The following IL1RAPL2 variants were observed in gnomAD, a reference collection of about 807,000 sequenced individuals.
IL1RAPL2 encodes the protein interleukin 1 receptor accessory protein like 2.
In IL1RAPL2, 3 loss-of-function variants were observed where a neutral mutation model predicts 44.1. The observed-to-expected ratio is 0.07, with a 90% CI of 0.03 to 0.18. The LOEUF (loss-of-function observed/expected upper bound fraction) is 0.18, where lower values mean the gene tolerates loss of function less well. Among genes scored for constraint, IL1RAPL2 ranks in the 10% least tolerant of loss-of-function variants. IL1RAPL2 has a pLI of 1.00. For missense variants in IL1RAPL2, 391 were observed against 496.4 expected (o/e 0.79, Z 2.02); for synonymous variants, 181 against 178.8 (o/e 1.01, Z -0.10).
intron 2 of IL1RAPL2, among the ~76,000 whole-genome samples, chrX:104,897,115 C>T (rs1347272491): frequency 5.4e-5 from 6 of 111,927 alleles, no homozygotes; most frequent in Non-Finnish European, 7.5e-5. Flanking sequence ...CTGGAAGGAA[C>T]GAATTCTGGA....
intron 5 of IL1RAPL2, 117 bp downstream of exon 5, chrX:105,267,658 C>A: frequency 1.9e-6 from 1 of 528,744 alleles, no homozygotes; most frequent in Non-Finnish European, 3.1e-6. Flanking sequence ...GCCTGCAAAT[C>A]AAATAGTTGA....
chrX:104,574,381 A>C (rs1928205651), intron 1 of IL1RAPL2, among the ~76,000 whole-genome samples: 2 of 112,108 alleles, frequency 1.8e-5, no homozygotes, highest in Admixed American at 1.9e-4. Flanking sequence ...AATAGTTTTC[A>C]CATATCAGAT....
chrX:104,676,440 T>C (rs1201455190), intron 2 of IL1RAPL2, among the ~76,000 whole-genome samples: 3 of 112,056 alleles, frequency 2.7e-5, no homozygotes, highest in Non-Finnish European at 5.6e-5. Flanking sequence ...CACTCTCTTC[T>C]GGCTTATAGA....
At chrX:105,038,939 T>C (rs59732954) in intron 2 of IL1RAPL2, among the ~76,000 whole-genome samples, 2,599 of 111,771 alleles carry the variant, frequency 0.023, 64 homozygotes, top group African/African-American at 0.081. Flanking sequence ...TAAAGTAGTA[T>C]ATTAGAGAGG....
intron 2 of IL1RAPL2, among the ~76,000 whole-genome samples, chrX:105,160,290 T>A (rs771857074): frequency 9.0e-6 from 1 of 110,937 alleles, no homozygotes; most frequent in Non-Finnish European, 1.9e-5. Context: ...AAGGACTCAT[T>A]GATCCCTGCA....
intron 6 of IL1RAPL2, among the ~76,000 whole-genome samples, chrX:105,553,126 C>T (rs2036870587): frequency 8.9e-6 from 1 of 112,064 alleles, no homozygotes; most frequent in African/African-American, 3.2e-5. Context: ...TGAAAAGGAA[C>T]TCTCACTCAA....
At chrX:105,673,232 G>T (rs1012603100) in intron 6 of IL1RAPL2, among the ~76,000 whole-genome samples, 1 of 110,952 alleles carries the variant, frequency 9.0e-6, no homozygotes, top group African/African-American at 3.3e-5. Context: ...GTAAACGTGT[G>T]CCATGATGGT....
chrX:105,242,205 T>C (rs1310871097), intron 4 of IL1RAPL2, among the ~76,000 whole-genome samples: 2 of 112,028 alleles, frequency 1.8e-5, no homozygotes, highest in African/African-American at 6.5e-5. Flanking sequence ...GTTTATGACA[T>C]CAAAGCATTT....
At chrX:105,763,575 C>T (rs1337521378) in intron 10 of IL1RAPL2, among the ~76,000 whole-genome samples, 1 of 104,381 alleles carries the variant, frequency 9.6e-6, no homozygotes, top group African/African-American at 3.5e-5. Flanking sequence ...AAAGAAAGAG[C>T]GAGAAAGAAA....
At chrX:105,263,567 G>A (rs2034377516) in intron 4 of IL1RAPL2, among the ~76,000 whole-genome samples, 1 of 111,571 alleles carries the variant, frequency 9.0e-6, no homozygotes, top group Non-Finnish European at 1.9e-5. Context: ...AATGTAGCTG[G>A]CAACAGGTTA....
intron 2 of IL1RAPL2, among the ~76,000 whole-genome samples, chrX:105,103,655 A>G (rs140667967): frequency 1.9e-3 from 208 of 111,919 alleles, no homozygotes; most frequent in African/African-American, 6.3e-3. Flanking sequence ...ATAAATATGT[A>G]AAATTGGCCA....
At chrX:105,665,997 C>T (rs868552976) in intron 6 of IL1RAPL2, among the ~76,000 whole-genome samples, 29 of 108,666 alleles carry the variant, frequency 2.7e-4, no homozygotes, top group African/African-American at 8.0e-4. Flanking sequence ...CTCCTGACCT[C>T]GTGATCCGCC....
At position 104,722,563 on chromosome X, in the gene IL1RAPL2, C is replaced by T. The variant is rs375368717; in HGVS notation, c.82+63568C>T. Among the ~76,000 whole-genome samples, 3 of 111,783 alleles carry T rather than the reference C, an allele frequency of 2.7e-5. No homozygotes were observed. In the East Asian group the frequency reaches 8.5e-4, roughly 32 times the overall value. ...CTTTATTTTGTGTTAGCTGTTTCCT[C>T]ACTTAAGGTGATAACTCTGTCCATG... On this transcript the variant is annotated intron_variant, in intron 2 of 10. Transcript: ENST00000372582.
chrX:104,585,947 TG>T (rs1183718410), intron 1 of IL1RAPL2, among the ~76,000 whole-genome samples: 1 of 111,295 alleles, frequency 9.0e-6, no homozygotes. Flanking sequence ...TATATTCCTT[TG>T]AGTGTGTACG....
intron 5 of IL1RAPL2, among the ~76,000 whole-genome samples, chrX:105,283,405 C>T (rs770687784): frequency 3.6e-5 from 4 of 110,860 alleles, no homozygotes; most frequent in Non-Finnish European, 5.7e-5. Context: ...AGATGAAGAG[C>T]GGGTGAAAAA....
intron 2 of IL1RAPL2, among the ~76,000 whole-genome samples, chrX:105,183,834 G>A (rs782243021): frequency 4.5e-5 from 5 of 111,492 alleles, no homozygotes; most frequent in African/African-American, 1.3e-4. Context: ...CAGGGGTTTG[G>A]AGATGCAGGG....
chrX:105,134,425 G>A (rs907783405), intron 2 of IL1RAPL2, among the ~76,000 whole-genome samples: 2 of 111,983 alleles, frequency 1.8e-5, no homozygotes, highest in Non-Finnish European at 3.8e-5. Context: ...TGCCAATTAT[G>A]AGTTGAGCAC....
chrX:105,091,363 T>A (rs2032541214), intron 2 of IL1RAPL2, among the ~76,000 whole-genome samples: 1 of 112,098 alleles, frequency 8.9e-6, no homozygotes, highest in South Asian at 3.7e-4. Context: ...ACTAACTCAC[T>A]AGAAATAATC....
intron 2 of IL1RAPL2, among the ~76,000 whole-genome samples, chrX:104,908,098 CTGT>C (rs1231115663): frequency 1.8e-4 from 20 of 110,329 alleles, no homozygotes; most frequent in African/African-American, 5.9e-4. Context: ...GGTTTAAAGT[CTGT>C]TTTATCAGAG....
Sources: allele counts gnomAD v4.1 joint callset (sites outside exome capture counted in the v4.1 genomes callset), GRCh38; gene constraint gnomAD v4.1.1; transcripts MANE v1.5; gene names NCBI Gene and HGNC (gene_info 2026-07-23, HGNC 2026-07-21).